Variants in RAB38 observed in about 807,000 individuals in gnomAD.
RAB38 encodes the protein ras-related protein Rab-38.
Under a neutral mutation model 18.4 loss-of-function variants are expected in RAB38, and 15 were observed. That is an observed-to-expected ratio of 0.82 (90% CI 0.55 to 1.26). The LOEUF is 1.26. Among genes scored for constraint, RAB38 ranks in the 50% most tolerant of loss-of-function variants. RAB38 has a pLI of 0.00. For synonymous variants in RAB38, 101 were observed against 104.4 expected (o/e 0.97, Z 0.20); for missense variants, 294 against 267.4 (o/e 1.10, Z -0.69).
intron 1 of RAB38, among the ~76,000 whole-genome samples, chr11:88,160,226 C>G (rs1461930550): frequency 6.6e-6 from 1 of 151,926 alleles, no homozygotes; most frequent in Non-Finnish European, 1.5e-5. Flanking sequence ...GAAAAAATAT[C>G]CCATATCACT....
intron 1 of RAB38, among the ~76,000 whole-genome samples, chr11:88,163,004 C>T (rs1943204948): frequency 6.6e-6 from 1 of 152,070 alleles, no homozygotes; most frequent in Non-Finnish European, 1.5e-5. Context: ...TTTATGACTG[C>T]CTGGACTCAC....
intron 1 of RAB38, 89 bp from the exon 2 acceptor site, chr11:88,150,044 G>C (rs1943045828): frequency 1.5e-6 from 2 of 1,351,320 alleles, no homozygotes; most frequent in African/African-American, 1.5e-5. Context: ...AGATGAGCAA[G>C]TCAATCAGTA....
chr11:88,036,853 G>C, the RAB38 span, among the ~76,000 whole-genome samples: 2 of 151,924 alleles, frequency 1.3e-5, no homozygotes, highest in Non-Finnish European at 2.9e-5. Flanking sequence ...ATATGGTTTG[G>C]TGATGATGTA....
chr11:87,872,845 A>C, the RAB38 span, among the ~76,000 whole-genome samples: 1 of 151,710 alleles, frequency 6.6e-6, no homozygotes, highest in East Asian at 2.0e-4. Flanking sequence ...CAGATTATTT[A>C]TCCATTCACC....
the RAB38 span, among the ~76,000 whole-genome samples, chr11:87,804,010 G>A: frequency 1.3e-5 from 2 of 152,154 alleles, no homozygotes; most frequent in Admixed American, 1.3e-4. Flanking sequence ...ATATGCATAT[G>A]CCAGGTCTGA....
At chr11:88,033,731 T>TTC in the RAB38 span, among the ~76,000 whole-genome samples, 1 of 142,218 alleles carries the variant, frequency 7.0e-6, no homozygotes, top group Non-Finnish European at 1.5e-5. Context: ...TTGCCTTTTT[T>TTC]TTTTTTTTTT....
the RAB38 span, among the ~76,000 whole-genome samples, chr11:88,030,437 G>A: frequency 2.0e-5 from 3 of 152,158 alleles, no homozygotes; most frequent in Non-Finnish European, 4.4e-5. Flanking sequence ...ATTGAATCCA[G>A]AAGCTGGTTT....
the RAB38 span, among the ~76,000 whole-genome samples, chr11:88,018,956 AT>A: frequency 6.6e-6 from 1 of 151,738 alleles, no homozygotes; most frequent in East Asian, 1.9e-4. Flanking sequence ...TTTTAAAACA[AT>A]TTTTTTTATT....
chr11:87,950,101 T>C, the RAB38 span, among the ~76,000 whole-genome samples: 12 of 152,208 alleles, frequency 7.9e-5, no homozygotes, highest in African/African-American at 2.9e-4. Context: ...ATATTTAGGA[T>C]AGTTACCTCT....
chr11:88,128,708 C>A (rs1335275406), intron 2 of RAB38, among the ~76,000 whole-genome samples: 2 of 152,216 alleles, frequency 1.3e-5, no homozygotes, highest in Non-Finnish European at 1.5e-5. Flanking sequence ...CTACCCTCAA[C>A]CTCAGTTAGA....
the RAB38 span, among the ~76,000 whole-genome samples, chr11:87,871,682 C>T: frequency 6.6e-6 from 1 of 151,538 alleles, no homozygotes; most frequent in Admixed American, 6.6e-5. Flanking sequence ...TCTCTCCTAG[C>T]TACTACATTT....
chr11:88,018,758 T>C, the RAB38 span, among the ~76,000 whole-genome samples: 1 of 152,174 alleles, frequency 6.6e-6, no homozygotes, highest in Non-Finnish European at 1.5e-5. Flanking sequence ...TTACTTATAA[T>C]ATCTAATACA....
At chr11:88,051,285 A>C in the RAB38 span, among the ~76,000 whole-genome samples, 1 of 152,086 alleles carries the variant, frequency 6.6e-6, no homozygotes, top group Non-Finnish European at 1.5e-5. Flanking sequence ...TAAGGATAAA[A>C]AGTAGCTGAG....
At chr11:87,816,234 C>T in the RAB38 span, 3 of 152,322 alleles carry the variant, frequency 2.0e-5, no homozygotes, top group Non-Finnish European at 4.4e-5. Flanking sequence ...ATGGCATATC[C>T]TTTATTTTTA....
the RAB38 span, among the ~76,000 whole-genome samples, chr11:87,944,941 T>A: frequency 6.6e-6 from 1 of 152,184 alleles, no homozygotes; most frequent in African/African-American, 2.4e-5. Context: ...TTAGTTCATA[T>A]GCTTAATTAT....
At chr11:88,016,555 A>G in the RAB38 span, among the ~76,000 whole-genome samples, 1 of 152,078 alleles carries the variant, frequency 6.6e-6, no homozygotes, top group African/African-American at 2.4e-5. Context: ...TTGCTTCCTA[A>G]CAGACCTTGA....
At chr11:88,071,005 C>G in the RAB38 span, among the ~76,000 whole-genome samples, 1 of 152,102 alleles carries the variant, frequency 6.6e-6, no homozygotes, top group Non-Finnish European at 1.5e-5. Context: ...TTTAAAATGA[C>G]TGGGAGCCTA....
the RAB38 span, among the ~76,000 whole-genome samples, chr11:87,925,697 C>A: frequency 6.6e-6 from 1 of 151,894 alleles, no homozygotes; most frequent in African/African-American, 2.4e-5. Flanking sequence ...CTTGAGGGGA[C>A]CAGTGGGCAA....
chr11:88,063,828 C>T, the RAB38 span, among the ~76,000 whole-genome samples: 2 of 152,134 alleles, frequency 1.3e-5, no homozygotes, highest in African/African-American at 4.8e-5. Flanking sequence ...TGAGGCCTCC[C>T]CAGCCACGTG....
Sources: allele counts gnomAD v4.1 joint callset (sites outside exome capture counted in the v4.1 genomes callset), GRCh38; gene constraint gnomAD v4.1.1; transcripts MANE v1.5; gene names NCBI Gene and HGNC (gene_info 2026-07-23, HGNC 2026-07-21).